Variants in PCDHGA1 observed in about 807,000 individuals in gnomAD.
PCDHGA1 encodes protocadherin gamma-A1.
In PCDHGA1, 32 loss-of-function variants were observed where a neutral mutation model predicts 58.0. The observed-to-expected ratio is 0.55, with a 90% confidence interval of 0.42 to 0.74. PCDHGA1 has a LOEUF of 0.74. PCDHGA1 is among the 30% of genes least tolerant of loss of function. PCDHGA1 has a pLI of 0.00. For synonymous variants in PCDHGA1, 498 were observed against 501.1 expected, an observed-to-expected ratio of 0.99 and a Z score of 0.08; for missense variants, 1,205 against 1,182.3, an observed-to-expected ratio of 1.02 and a Z score of -0.28.
At position 141,487,507 on chromosome 5, in the gene PCDHGA1, A is replaced by C; in HGVS notation, c.2422-7300A>C. 6.2e-7 allele frequency: 1 copy of C among 1,614,138 alleles called. No individual in the cohort carries two copies. Among genetic ancestry groups the C allele is most frequent in the Non-Finnish European group, 8.5e-7 (1 of 1,180,028 alleles). On this transcript the variant is annotated intron_variant, in intron 1 of 3. Coordinates refer to ENST00000517417, the MANE Select transcript of PCDHGA1 (RefSeq NM_018912.3). This position sits in a 1 kb window ranked among gnomAD's most constrained non-coding sequence, Gnocchi z 5.0. ...ATGGCTGTACACCCTTGGCTTCTGC[A>C]CCCACTCGGAGTGATAGCTTCATGA...
intron 1 of PCDHGA1, chr5:141,344,844 G>A (rs1426133781): frequency 5.6e-6 from 9 of 1,613,818 alleles, no homozygotes; most frequent in South Asian, 4.4e-5. Flanking sequence ...TGACCCTGAC[G>A]AGGGATTCAA....
At chr5:141,351,516 T>A in intron 1 of PCDHGA1, 1 of 1,613,972 alleles carries the variant, frequency 6.2e-7, no homozygotes, top group Middle Eastern at 1.6e-4. Context: ...GTCACAATCA[T>A]AGCCACCGAC....
intron 1 of PCDHGA1, among the ~76,000 whole-genome samples, chr5:141,459,838 A>C (rs944807247): frequency 1.3e-5 from 2 of 152,098 alleles, no homozygotes; most frequent in African/African-American, 4.8e-5. Context: ...TGTGTTGTCT[A>C]TTTGTATATC....
At chr5:141,333,252 A>C in intron 1 of PCDHGA1, 147 bp downstream of exon 1, 1 of 1,148,142 alleles carries the variant, frequency 8.7e-7, no homozygotes, top group East Asian at 2.5e-5. Flanking sequence ...ATCACGATTG[A>C]GTCTACACGT....
At chr5:141,412,286 G>A (rs150947924) in intron 1 of PCDHGA1, 104 of 152,170 alleles carry the variant, frequency 6.8e-4, no homozygotes, top group African/African-American at 2.3e-3. Flanking sequence ...CAAATTCTAC[G>A]TATTTCTTTT....
intron 1 of PCDHGA1, chr5:141,409,744 G>A (rs1255485257): frequency 6.2e-7 from 1 of 1,612,978 alleles, no homozygotes; most frequent in Non-Finnish European, 8.5e-7. Flanking sequence ...GCGGGGTGGT[G>A]TTCGCGCAGC....
At chr5:141,335,027 C>G (rs1318416987) in intron 1 of PCDHGA1, among the ~76,000 whole-genome samples, 2 of 152,202 alleles carry the variant, frequency 1.3e-5, no homozygotes, top group Admixed American at 6.5e-5. Context: ...TCTGTCAACA[C>G]ACTGTTATTT....
At position 141,356,874 on chromosome 5, in the gene PCDHGA1, T is replaced by TGTCCCTGAGATCCTGTACCCCACC. The variant is rs1482274371; in HGVS notation, c.2421+23770_2421+23793dup. Reference sequence around the variant, plus strand: ...TCTTTGTGCTGGACCAGAACGACAATGTCCCTGAGATCCTGTACCCCACCT... The same window carrying TGTCCCTGAGATCCTGTACCCCACC: ...TCTTTGTGCTGGACCAGAACGACAATGTCCCTGAGATCCTGTACCCCACCGTCCCTGAGATCCTGTACCCCACCT... On this transcript the variant is annotated intron_variant, in intron 1 of 3. Coordinates refer to ENST00000517417, the MANE Select transcript of PCDHGA1 (RefSeq NM_018912.3). The TGTCCCTGAGATCCTGTACCCCACC allele has an allele frequency of 1.9e-6, 3 of 1,614,078 alleles. No individual in the cohort carries two copies. The African/African-American group carries it at 4.0e-5, about 22-fold the overall frequency.
rs115982940 is a variant in PCDHGA1, at chr5:141,457,996, G to A, written c.2422-36811G>A. On this transcript the variant is annotated intron_variant, in intron 1 of 3. Transcript: ENST00000517417. ...AACACACCCTTTCAGTTAAAGCCTTGGCAAAATAACCGGTTTTTCCAATTG... is the reference window on the plus strand; with the variant it reads ...AACACACCCTTTCAGTTAAAGCCTTAGCAAAATAACCGGTTTTTCCAATTG... Among the ~76,000 whole-genome samples the A allele has an allele frequency of 2.4e-3, 372 of 152,212 alleles. 2 individuals carry two copies. Among genetic ancestry groups the A allele is most frequent in the African/African-American group, 8.4e-3 (347 of 41,522 alleles).
intron 1 of PCDHGA1, chr5:141,390,054 T>G (rs763200251): frequency 6.2e-7 from 1 of 1,614,070 alleles, no homozygotes; most frequent in Non-Finnish European, 8.5e-7. Context: ...CTCCTGGAGC[T>G]GCTTCCAGCC....
At position 141,393,141 on chromosome 5, in the gene PCDHGA1, G is replaced by A. The variant is rs371909748; in HGVS notation, c.2421+60036G>A. 20 of 1,613,182 alleles carry A rather than the reference G, an allele frequency of 1.2e-5. No homozygotes were observed. The African/African-American group carries it at 2.4e-4, about 19-fold the overall frequency. On this transcript the variant is annotated intron_variant, in intron 1 of 3. Coordinates refer to ENST00000517417, the MANE Select transcript of PCDHGA1 (RefSeq NM_018912.3). Reference sequence around the variant, plus strand: ...GTGTCTGATAAATATTAACACCCTGGTTGAGGATAAAGGAAAACTCTTTGG... The same window carrying A: ...GTGTCTGATAAATATTAACACCCTGATTGAGGATAAAGGAAAACTCTTTGG...
In PCDHGA1 at chr5:141,394,778, C is replaced by T. The variant is rs377451053; in HGVS notation, c.2421+61673C>T. ...AGGACCATGGCCAGCCCCCTCTCTC[C>T]GCCACTGTCACGCTCACCGTAGCCG... On this transcript the variant is annotated intron_variant, in intron 1 of 3. Transcript: ENST00000517417. 8 of 1,613,514 alleles carry T rather than the reference C, an allele frequency of 5.0e-6. No individual in the cohort carries two copies. In the South Asian group the frequency reaches 7.7e-5, roughly 15 times the overall value.
In PCDHGA1 at chr5:141,421,624, A is replaced by G; in HGVS notation, c.2422-73183A>G. On this transcript the variant is annotated intron_variant, in intron 1 of 3. Transcript: ENST00000517417. ...AATAGATATTAATGATAACGCCCCC[A>G]GCTTCCAGGAGGACGAAGTGGAGAT... 2.5e-6 allele frequency: 4 copies of G among 1,613,872 alleles called. No homozygotes were observed. The South Asian group carries it at 3.3e-5, about 13-fold the overall frequency.
At chr5:141,339,197 G>T (rs2149721107) in intron 1 of PCDHGA1, 4 of 1,614,116 alleles carry the variant, frequency 2.5e-6, no homozygotes, top group South Asian at 1.1e-5. Flanking sequence ...CCAGCTCTTT[G>T]CTCTGAACCC....
chr5:141,421,365 G>A (rs1189449968), intron 1 of PCDHGA1: 2 of 1,614,026 alleles, frequency 1.2e-6, no homozygotes, highest in South Asian at 1.1e-5. Flanking sequence ...GCTCCTTCGT[G>A]GGCAATATCT....
At position 141,489,888 on chromosome 5, in the gene PCDHGA1, T is replaced by TG. The variant is rs759744295; in HGVS notation, c.2422-4913dup. On this transcript the variant is annotated intron_variant, in intron 1 of 3. Coordinates refer to ENST00000517417, the MANE Select transcript of PCDHGA1 (RefSeq NM_018912.3). The surrounding 1 kb of genome is among the most constrained non-coding windows in gnomAD (Gnocchi z 4.5). ...ATCAGCTGGTGCTTACTGCTGTGGATGGGGGGACCCCAGCCCGCTCAGGGA... is the reference window on the plus strand; with the variant it reads ...ATCAGCTGGTGCTTACTGCTGTGGATGGGGGGGACCCCAGCCCGCTCAGGGA... 6.4e-5 allele frequency: 103 copies of TG among 1,614,088 alleles called. No individual in the cohort carries two copies. Among genetic ancestry groups the TG allele is most frequent in the Non-Finnish European group, 8.6e-5 (101 of 1,180,048 alleles).
chr5:141,434,547 A>G (rs1277148299), intron 1 of PCDHGA1, among the ~76,000 whole-genome samples: 1 of 152,232 alleles, frequency 6.6e-6, no homozygotes, highest in East Asian at 1.9e-4. Context: ...AGCATGAGTG[A>G]TCTGTGCCTT....
At chr5:141,440,558 T>C (rs546919141) in intron 1 of PCDHGA1, 1 of 152,350 alleles carries the variant, frequency 6.6e-6, no homozygotes, top group East Asian at 1.9e-4. Context: ...TGTTATTAAG[T>C]TACGTATCTC....
chr5:141,342,265 A>G (rs186950930), intron 1 of PCDHGA1: 27 of 152,326 alleles, frequency 1.8e-4, no homozygotes, highest in African/African-American at 6.5e-4. Flanking sequence ...TCTCTTCTCA[A>G]GGTTTCTACT....
Sources: gnomAD v4.1 joint callset for allele counts (sites outside exome capture counted in the v4.1 genomes callset) on GRCh38, gnomAD v4.1.1 for gene constraint, Gnocchi (gnomAD v3.1) non-coding constraint, MANE v1.5 for transcripts, NCBI Gene and HGNC (gene_info 2026-07-23, HGNC 2026-07-21) for gene names.